WWOX: variants seen among roughly 807,000 people sequenced by gnomAD.
WWOX encodes the protein WW domain containing oxidoreductase, also known as WW domain-containing oxidoreductase.
In WWOX, 69 loss-of-function variants were observed where a neutral mutation model predicts 46.2. That is an observed-to-expected ratio of 1.49 (90% confidence interval 1.23 to 1.82). The LOEUF (loss-of-function observed/expected upper bound fraction) is 1.82. WWOX is among the 40% of genes most tolerant of loss of function. The probability of loss-of-function intolerance (pLI) is 0.00; values close to 1 mark genes in which losing one functional copy is unlikely to be tolerated. For missense variants in WWOX, 919 were observed against 542.6 expected, an observed-to-expected ratio of 1.69 and a Z score of -6.89; for synonymous variants, 359 against 202.6, an observed-to-expected ratio of 1.77 and a Z score of -6.56.
chr16:78,978,774 C>A (rs942529816), intron 8 of WWOX, among the ~76,000 whole-genome samples: 1 of 152,144 alleles, frequency 6.6e-6, no homozygotes, highest in African/African-American at 2.4e-5. Flanking sequence ...GGGACAACAC[C>A]AAGGAGATAC....
chr16:78,961,238 T>G (rs1455212788), intron 8 of WWOX, among the ~76,000 whole-genome samples: 1 of 151,944 alleles, frequency 6.6e-6, no homozygotes, highest in Non-Finnish European at 1.5e-5. Flanking sequence ...CGAGGAAAAA[T>G]GAGGGAAATT....
intron 4 of WWOX, among the ~76,000 whole-genome samples, chr16:78,134,498 A>C (rs935413731): frequency 6.6e-6 from 1 of 151,914 alleles, no homozygotes; most frequent in African/African-American, 2.4e-5. Flanking sequence ...CCTTTTCATT[A>C]CTTCTTTTAT....
intron 8 of WWOX, among the ~76,000 whole-genome samples, chr16:78,847,056 T>C (rs2052317755): frequency 6.6e-6 from 1 of 152,252 alleles, no homozygotes; most frequent in Non-Finnish European, 1.5e-5. Flanking sequence ...CCCGTTCTTT[T>C]TTGAGCACTT....
chr16:78,745,561 T>A (rs1164900226), intron 8 of WWOX, among the ~76,000 whole-genome samples: 1 of 146,634 alleles, frequency 6.8e-6, no homozygotes, highest in East Asian at 2.0e-4. Flanking sequence ...TTTCTGTGGA[T>A]CTGTTTGGAA....
At chr16:79,050,114 G>A (rs551794018) in intron 8 of WWOX, among the ~76,000 whole-genome samples, 14 of 152,288 alleles carry the variant, frequency 9.2e-5, no homozygotes, top group African/African-American at 2.4e-4. Flanking sequence ...CTGCGTAACC[G>A]TGTGGCAACT....
chr16:79,116,984 T>C (rs1173644461), intron 8 of WWOX, among the ~76,000 whole-genome samples: 1 of 152,158 alleles, frequency 6.6e-6, no homozygotes. Flanking sequence ...ACTACATTAA[T>C]CTTGTACATC....
At position 78,619,077 on chromosome 16, in the gene WWOX, C is replaced by G. The variant is rs138123747; in HGVS notation, c.1056+186325C>G. ...TTGGGAGGCTGAGGTGGGAGGATCA[C>G]TGGAGGTCGGGAATTTGAAACCAGC... is the stretch of plus-strand genomic sequence containing the variant. On this transcript the variant is annotated intron_variant, in intron 8 of 8. Coordinates refer to ENST00000566780, the MANE Select transcript of WWOX (RefSeq NM_016373.4). Among the ~76,000 whole-genome samples the G allele has an allele frequency of 3.9e-4, 54 of 137,244 alleles. 1 individual carries two copies. In the South Asian group the frequency reaches 4.4e-3, roughly 11 times the overall value. 90.0% of individuals were successfully genotyped at this position (137,244 alleles called of 152,430 possible). A position where few individuals can be genotyped will look rare whatever the true frequency, so the allele number is the denominator to read the frequency against.
At chr16:78,517,463 G>C (rs904133760) in intron 8 of WWOX, among the ~76,000 whole-genome samples, 17 of 152,202 alleles carry the variant, frequency 1.1e-4, no homozygotes, top group African/African-American at 3.9e-4. Flanking sequence ...TCGACGCTTC[G>C]CATATGTATT....
intron 8 of WWOX, among the ~76,000 whole-genome samples, chr16:79,049,089 T>A (rs954407685): frequency 6.6e-6 from 1 of 152,206 alleles, no homozygotes; most frequent in Non-Finnish European, 1.5e-5. Flanking sequence ...TTTAGTGCAG[T>A]GGTCAGCAGA....
intron 6 of WWOX, among the ~76,000 whole-genome samples, chr16:78,399,003 G>A (rs1263776517): frequency 3.3e-5 from 5 of 151,458 alleles, no homozygotes; most frequent in Admixed American, 6.6e-5. Context: ...CAAGGAAGGG[G>A]ATGAGTGGCT....
At chr16:79,038,909 A>G (rs2047919378) in intron 8 of WWOX, among the ~76,000 whole-genome samples, 1 of 152,230 alleles carries the variant, frequency 6.6e-6, no homozygotes, top group Non-Finnish European at 1.5e-5. Context: ...GCATACATAG[A>G]GGATAACTTA....
intron 5 of WWOX, among the ~76,000 whole-genome samples, chr16:78,329,047 G>T (rs2080700095): frequency 6.6e-6 from 1 of 151,860 alleles, no homozygotes; most frequent in South Asian, 2.1e-4. Context: ...TTTTTCGTAG[G>T]ACGAGGTTTC....
chr16:78,748,114 C>A (rs1290086965), intron 8 of WWOX, among the ~76,000 whole-genome samples: 1 of 152,202 alleles, frequency 6.6e-6, no homozygotes, highest in South Asian at 2.1e-4. Flanking sequence ...CAGACCGGAC[C>A]CTCCACTCCT....
chr16:78,296,445 G>A (rs2079945473), intron 5 of WWOX, among the ~76,000 whole-genome samples: 1 of 151,532 alleles, frequency 6.6e-6, no homozygotes, highest in Non-Finnish European at 1.5e-5. Context: ...ATTTATATTG[G>A]CGCCTTCGAT....
intron 8 of WWOX, among the ~76,000 whole-genome samples, chr16:78,724,935 T>C (rs964943309): frequency 2.6e-5 from 4 of 152,204 alleles, no homozygotes; most frequent in African/African-American, 9.6e-5. Context: ...TCCAGGTACG[T>C]AGCAGGTATT....
intron 5 of WWOX, among the ~76,000 whole-genome samples, chr16:78,290,005 T>C (rs939198002): frequency 6.6e-6 from 1 of 152,236 alleles, no homozygotes; most frequent in African/African-American, 2.4e-5. Context: ...TAAAGGTTTT[T>C]AATGTCACTT....
chr16:79,166,065 G>A (rs1382542682), intron 8 of WWOX, among the ~76,000 whole-genome samples: 1 of 152,204 alleles, frequency 6.6e-6, no homozygotes, highest in African/African-American at 2.4e-5. Flanking sequence ...CTGCGTCCCA[G>A]CAGCATAGAC....
In WWOX at chr16:78,776,251, G is replaced by T. The variant is rs545366851; in HGVS notation, c.1056+343499G>T. 7.9e-5 allele frequency among the ~76,000 whole-genome samples: 12 copies of T among 152,270 alleles called. No individual in the cohort carries two copies. The South Asian group carries it at 1.7e-3, about 21-fold the overall frequency. ...ATTGTGGGTGAACAACAGCAGCACA[G>T]GCTACATTGGCTTGGCTCGGTGGTT... On this transcript the variant is annotated intron_variant, in intron 8 of 8. Transcript: ENST00000566780.
intron 8 of WWOX, among the ~76,000 whole-genome samples, chr16:78,985,148 C>G (rs1597239125): frequency 6.6e-6 from 1 of 152,184 alleles, no homozygotes; most frequent in Admixed American, 6.5e-5. Context: ...GGCTTTAGCC[C>G]CAGCAGCAGA....
Sources: gnomAD v4.1 joint callset for allele counts (sites outside exome capture counted in the v4.1 genomes callset) on GRCh38, gnomAD v4.1.1 for gene constraint, MANE v1.5 for transcripts, NCBI Gene and HGNC (gene_info 2026-07-23, HGNC 2026-07-21) for gene names.